Variants in NCAM2 observed in about 807,000 individuals in gnomAD.
NCAM2 encodes the protein N-CAM-2.
In NCAM2, 30 loss-of-function variants were observed where a neutral mutation model predicts 98.1. That is an observed-to-expected ratio of 0.31 (90% confidence interval 0.23 to 0.41). The LOEUF (loss-of-function observed/expected upper bound fraction) is 0.41. NCAM2 is among the 10% of genes least tolerant of loss of function. The pLI, the probability that NCAM2 is intolerant of heterozygous loss-of-function variation, is 1.00. For synonymous variants in NCAM2, 368 were observed against 342.4 expected, an observed-to-expected ratio of 1.07 and a Z score of -0.83; for missense variants, 867 against 1,005.8, an observed-to-expected ratio of 0.86 and a Z score of 1.87.
intron 12 of NCAM2, among the ~76,000 whole-genome samples, chr21:21,436,707 A>G (rs1204361269): frequency 6.6e-6 from 1 of 151,976 alleles, no homozygotes; most frequent in African/African-American, 2.4e-5. Flanking sequence ...ACTGGGTCTT[A>G]AGTGAATCCA....
At chr21:21,303,062 C>T (rs1201394015) in intron 5 of NCAM2, among the ~76,000 whole-genome samples, 1 of 151,778 alleles carries the variant, frequency 6.6e-6, no homozygotes, top group African/African-American at 2.4e-5. Flanking sequence ...CACACATGAA[C>T]CTCCGCATGG....
chr21:21,351,733 G>T (rs2075345557), intron 8 of NCAM2, among the ~76,000 whole-genome samples: 1 of 148,066 alleles, frequency 6.8e-6, no homozygotes, highest in Non-Finnish European at 1.5e-5. Flanking sequence ...TTGTTCATTT[G>T]TTTGTTTCTG....
chr21:21,268,787 A>G (rs1195658393), intron 1 of NCAM2, among the ~76,000 whole-genome samples: 1 of 152,202 alleles, frequency 6.6e-6, no homozygotes, highest in African/African-American at 2.4e-5. Context: ...CTGAGAAGGT[A>G]CCGAATTTGC....
At chr21:21,356,660 G>T (rs1337882767) in intron 8 of NCAM2, among the ~76,000 whole-genome samples, 1 of 151,998 alleles carries the variant, frequency 6.6e-6, no homozygotes. Flanking sequence ...TTTTATATTG[G>T]CATGTGCTAA....
intron 12 of NCAM2, among the ~76,000 whole-genome samples, chr21:21,465,369 C>G (rs1983544567): frequency 6.6e-6 from 1 of 151,532 alleles, no homozygotes; most frequent in Admixed American, 6.6e-5. Context: ...TTGCTTGAGC[C>G]CAAGAATTCA....
intron 15 of NCAM2, among the ~76,000 whole-genome samples, chr21:21,479,583 CAAAAAAAAAAAAAAAAAAA>C: frequency 3.2e-5 from 1 of 30,964 alleles, no homozygotes; most frequent in South Asian, 1.3e-3. Context: ...GACTGCGTCT[CAAAAAAAAAAAAAAAAAAA>C]AAAAAATTGT....
intron 1 of NCAM2, among the ~76,000 whole-genome samples, chr21:21,034,887 G>A (rs1271256177): frequency 2.0e-5 from 3 of 152,174 alleles, no homozygotes; most frequent in African/African-American, 4.8e-5. Context: ...ACCATATAGG[G>A]TTTTTAAAAG....
chr21:21,374,009 T>C lies in NCAM2; in HGVS notation c.1191T>C (p.Ile397=), dbSNP rs769808954. The change falls in exon 9 of 18, where the codon ATT becomes ATC. Residue 397 remains isoleucine, a synonymous_variant. Coordinates refer to ENST00000400546, the MANE Select transcript of NCAM2 (RefSeq NM_004540.5). ...ATCAAAAGAGCATGTACCTTGATATTGAATGTAAGTTACTTTCCTTTGTAT... is the reference window on the plus strand; with the variant it reads ...ATCAAAAGAGCATGTACCTTGATATCGAATGTAAGTTACTTTCCTTTGTAT... The part of the protein sequence containing the change: ...GGHQKSMYLD[I]EYAPKFISNQ... The C allele has an allele frequency of 6.2e-7, 1 of 1,601,746 alleles. No homozygotes were observed. The highest frequency in any genetic ancestry group is 1.8e-5 in the Admixed American group (1 of 57,094).
rs568824346 is a variant in NCAM2 at position 21,376,714 on chromosome 21, A to G, written c.1195+2701A>G. 9.2e-5 allele frequency among the ~76,000 whole-genome samples: 14 copies of G among 151,942 alleles called. No homozygotes were observed. In the East Asian group the frequency reaches 2.7e-3, roughly 29 times the overall value. Reference sequence around the variant, plus strand: ...CAAGGACTGATTTCTAACAAAGTACAAGTTGCTTTTGATCACATTGCATTC... The same window carrying G: ...CAAGGACTGATTTCTAACAAAGTACGAGTTGCTTTTGATCACATTGCATTC... On this transcript the variant is annotated intron_variant, in intron 9 of 17. Coordinates refer to ENST00000400546, the MANE Select transcript of NCAM2 (RefSeq NM_004540.5).
intron 12 of NCAM2, among the ~76,000 whole-genome samples, chr21:21,437,154 G>A (rs553741750): frequency 6.6e-6 from 1 of 152,156 alleles, no homozygotes; most frequent in South Asian, 2.1e-4. Flanking sequence ...TGAAGATGAA[G>A]CAGAATTCAG....
intron 1 of NCAM2, among the ~76,000 whole-genome samples, chr21:21,262,083 A>G (rs1049266502): frequency 2.0e-5 from 3 of 152,296 alleles, no homozygotes; most frequent in Admixed American, 6.5e-5. Context: ...GAACATCTCT[A>G]TGCATACAAA....
At chr21:21,216,959 A>G (rs957427320) in intron 1 of NCAM2, among the ~76,000 whole-genome samples, 1 of 152,138 alleles carries the variant, frequency 6.6e-6, no homozygotes, top group African/African-American at 2.4e-5. Flanking sequence ...TTGTCTGTTA[A>G]CTCAGGGCAA....
intron 9 of NCAM2, among the ~76,000 whole-genome samples, chr21:21,385,297 A>T (rs1569004416): frequency 1.3e-5 from 2 of 151,848 alleles, no homozygotes; most frequent in Non-Finnish European, 2.9e-5. Flanking sequence ...TAAAGCTCAG[A>T]ATACTTTTGT....
intron 1 of NCAM2, among the ~76,000 whole-genome samples, chr21:21,050,266 C>T (rs9284502): frequency 0.93 from 141,778 of 152,250 alleles, 66,818 homozygotes; most frequent in East Asian, 1. Context: ...TAAGGATGCA[C>T]TGGAGAAACT....
chr21:21,178,549 A>T (rs570960152), intron 1 of NCAM2, among the ~76,000 whole-genome samples: 1 of 152,256 alleles, frequency 6.6e-6, no homozygotes, highest in East Asian at 1.9e-4. Context: ...ACAAGAATAT[A>T]CTATACATTA....
chr21:21,210,717 G>T (rs759383688), intron 1 of NCAM2: 1 of 1,103,284 alleles, frequency 9.1e-7, no homozygotes, highest in African/African-American at 1.7e-5. Context: ...GCCCAGGGCT[G>T]TAATCTATAA....
intron 12 of NCAM2, among the ~76,000 whole-genome samples, chr21:21,441,490 G>A (rs1010132569): frequency 2.0e-5 from 3 of 152,006 alleles, no homozygotes; most frequent in African/African-American, 7.2e-5. Context: ...CAAATATTTG[G>A]ACTATATCAA....
intron 1 of NCAM2, among the ~76,000 whole-genome samples, chr21:21,273,007 AC>A (rs2072586513): frequency 8.0e-6 from 1 of 125,752 alleles, no homozygotes; most frequent in Non-Finnish European, 1.8e-5. Flanking sequence ...ACACACACAC[AC>A]AATCTGTAAT....
intron 1 of NCAM2, among the ~76,000 whole-genome samples, chr21:21,226,384 A>G (rs979657886): frequency 2.0e-5 from 3 of 152,158 alleles, no homozygotes; most frequent in Non-Finnish European, 4.4e-5. Context: ...AAACAAATGT[A>G]TGTGAGTTAG....
Sources: allele counts gnomAD v4.1 joint callset (sites outside exome capture counted in the v4.1 genomes callset), GRCh38; gene constraint gnomAD v4.1.1; transcripts MANE v1.5; gene names NCBI Gene and HGNC (gene_info 2026-07-23, HGNC 2026-07-21).